NRG1: variants seen among roughly 807,000 people sequenced by gnomAD.
NRG1 encodes the protein neuregulin 1.
In NRG1, 18 loss-of-function variants were observed where a neutral mutation model predicts 63.8. The observed-to-expected ratio is 0.28, with a 90% confidence interval of 0.19 to 0.42. NRG1 has a LOEUF of 0.42. Ranked by LOEUF, NRG1 falls within the 10% of genes least tolerant of loss-of-function variation. The pLI, the probability that NRG1 is intolerant of heterozygous loss-of-function variation, is 1.00. For missense variants in NRG1, 762 were observed against 814.7 expected, an observed-to-expected ratio of 0.94 and a Z score of 0.79; for synonymous variants, 302 against 301.3, an observed-to-expected ratio of 1.00 and a Z score of -0.02.
At chr8:32,497,376 G>A (rs1214199524) in intron 1 of NRG1, among the ~76,000 whole-genome samples, 1 of 151,158 alleles carries the variant, frequency 6.6e-6, no homozygotes, top group East Asian at 1.9e-4. Flanking sequence ...GAACCTGGGA[G>A]GCGGGGGTTG....
At chr8:32,720,395 A>G (rs1820318771) in intron 5 of NRG1, among the ~76,000 whole-genome samples, 1 of 152,158 alleles carries the variant, frequency 6.6e-6, no homozygotes, top group South Asian at 2.1e-4. Context: ...AAATTAAGCC[A>G]GTCAGATGGC....
intron 1 of NRG1, among the ~76,000 whole-genome samples, chr8:31,964,981 A>C (rs982883829): frequency 6.6e-6 from 1 of 152,194 alleles, no homozygotes; most frequent in Non-Finnish European, 1.5e-5. Flanking sequence ...AAAAGTACAC[A>C]AGACAAAAGC....
At chr8:32,656,015 C>A (rs958122694) in intron 5 of NRG1, among the ~76,000 whole-genome samples, 1 of 151,992 alleles carries the variant, frequency 6.6e-6, no homozygotes, top group Non-Finnish European at 1.5e-5. Context: ...TGGGAATTAA[C>A]GTCTATGAGT....
intron 1 of NRG1, among the ~76,000 whole-genome samples, chr8:32,162,881 T>C (rs1373493274): frequency 1.3e-5 from 2 of 152,126 alleles, no homozygotes; most frequent in African/African-American, 2.4e-5. Flanking sequence ...TAGACTTCAT[T>C]CCCATCGAGG....
At chr8:32,274,926 C>T (rs1851932513) in intron 1 of NRG1, among the ~76,000 whole-genome samples, 2 of 152,126 alleles carry the variant, frequency 1.3e-5, no homozygotes, top group Non-Finnish European at 1.5e-5. Flanking sequence ...TTCATGTAAA[C>T]TAAATGCATG....
intron 1 of NRG1, among the ~76,000 whole-genome samples, chr8:31,812,647 C>CCAT (rs1258142550): frequency 6.6e-6 from 1 of 151,214 alleles, no homozygotes; most frequent in Non-Finnish European, 1.5e-5. Flanking sequence ...CCATCCCCTC[C>CCAT]CATCTCTTCC....
At chr8:31,717,817 G>A (rs577888683) in intron 1 of NRG1, among the ~76,000 whole-genome samples, 5 of 152,200 alleles carry the variant, frequency 3.3e-5, no homozygotes, top group South Asian at 2.1e-4. Context: ...TATTGTTGGT[G>A]ATGATACTTT....
At chr8:32,325,243 T>C (rs1801856276) in intron 1 of NRG1, among the ~76,000 whole-genome samples, 1 of 152,182 alleles carries the variant, frequency 6.6e-6, no homozygotes. Flanking sequence ...TACTAGGCTT[T>C]ATAGCACTTT....
intron 1 of NRG1, among the ~76,000 whole-genome samples, chr8:32,496,350 C>T (rs1827193306): frequency 6.6e-6 from 1 of 152,158 alleles, no homozygotes; most frequent in South Asian, 2.1e-4. Context: ...TGGTGGCTCA[C>T]GCAGGAACAT....
intron 1 of NRG1, among the ~76,000 whole-genome samples, chr8:32,412,899 C>CA (rs2129485585): frequency 6.6e-6 from 1 of 152,284 alleles, no homozygotes; most frequent in East Asian, 1.9e-4. Flanking sequence ...TTAATCCTCA[C>CA]AAAAACCCTC....
At chr8:31,893,859 A>T (rs1016359232) in intron 1 of NRG1, among the ~76,000 whole-genome samples, 20 of 152,200 alleles carry the variant, frequency 1.3e-4, no homozygotes, top group African/African-American at 4.3e-4. Context: ...CATCTTAAAT[A>T]CTTATAAAAA....
chr8:32,181,848 A>G (rs1370485995), intron 1 of NRG1, among the ~76,000 whole-genome samples: 1 of 152,234 alleles, frequency 6.6e-6, no homozygotes, highest in Non-Finnish European at 1.5e-5. Flanking sequence ...TGAAAAAAAA[A>G]CTGGCAATGG....
chr8:32,358,841 CAAG>C lies in NRG1; in HGVS notation c.38-236979_38-236977del, dbSNP rs1452045387. On this transcript the variant is annotated intron_variant, in intron 1 of 10. Transcript: ENST00000519301. Reference sequence around the variant, plus strand: ...ACCTTGAGATCCAACACTTAAAGATCAAGAAGAAGAGAGTTTCCTATCTTCTGT... The same window carrying C: ...ACCTTGAGATCCAACACTTAAAGATCAAGAAGAGAGTTTCCTATCTTCTGT... Among the ~76,000 whole-genome samples the C allele has an allele frequency of 2.0e-5, 3 of 151,986 alleles. No individual in the cohort carries two copies. The South Asian group carries it at 6.2e-4, about 32-fold the overall frequency.
At chr8:32,220,358 C>G (rs1247956780) in intron 1 of NRG1, among the ~76,000 whole-genome samples, 1 of 152,088 alleles carries the variant, frequency 6.6e-6, no homozygotes, top group Non-Finnish European at 1.5e-5. Flanking sequence ...AATCCTGTTA[C>G]CTTAGCAACA....
At chr8:32,669,594 C>T (rs137873585) in intron 5 of NRG1, among the ~76,000 whole-genome samples, 1 of 152,246 alleles carries the variant, frequency 6.6e-6, no homozygotes, top group Non-Finnish European at 1.5e-5. Flanking sequence ...AGCAACTTTT[C>T]TCTGTTGTGC....
intron 1 of NRG1, among the ~76,000 whole-genome samples, chr8:32,344,225 G>C (rs1563337561): frequency 6.6e-6 from 1 of 152,042 alleles, no homozygotes. Context: ...GAAATGGCAA[G>C]TATTTCGTTT....
At chr8:32,382,660 T>C (rs560446795) in intron 1 of NRG1, among the ~76,000 whole-genome samples, 1 of 152,290 alleles carries the variant, frequency 6.6e-6, no homozygotes, top group Non-Finnish European at 1.5e-5. Flanking sequence ...TACCAAGGAA[T>C]AGACATAAGT....
At chr8:32,672,268 A>G (rs1805885941) in intron 5 of NRG1, among the ~76,000 whole-genome samples, 2 of 151,668 alleles carry the variant, frequency 1.3e-5, no homozygotes, top group African/African-American at 4.8e-5. Context: ...CTGGTCTCGA[A>G]CTCCTGACCT....
intron 1 of NRG1, among the ~76,000 whole-genome samples, chr8:32,527,079 C>T (rs1830928346): frequency 6.6e-6 from 1 of 152,192 alleles, no homozygotes; most frequent in Admixed American, 6.5e-5. Context: ...ACATTGCAAA[C>T]TTAATTTCTC....
Sources: gnomAD v4.1 joint callset for allele counts (sites outside exome capture counted in the v4.1 genomes callset) on GRCh38, gnomAD v4.1.1 for gene constraint, MANE v1.5 for transcripts, NCBI Gene and HGNC (gene_info 2026-07-23, HGNC 2026-07-21) for gene names.